The following ANKRD36C variants were observed in gnomAD, a reference collection of about 807,000 sequenced individuals.
The protein encoded by ANKRD36C is ankyrin repeat domain 36C.
Under a neutral mutation model 276.4 loss-of-function variants are expected in ANKRD36C, and 61 were observed. The observed-to-expected ratio is 0.22, with a 90% confidence interval of 0.18 to 0.27. The LOEUF is 0.27. Among genes scored for constraint, ANKRD36C ranks in the 10% least tolerant of loss-of-function variants. The probability of loss-of-function intolerance (pLI) is 1.00; values close to 1 mark genes in which losing one functional copy is unlikely to be tolerated. For synonymous variants in ANKRD36C, 483 were observed against 680.1 expected (o/e 0.71, Z 4.51); for missense variants, 1,447 against 2,032.3 (o/e 0.71, Z 5.54).
intron 60 of ANKRD36C, among the ~76,000 whole-genome samples, chr2:95,863,955 A>G (rs1356914806): frequency 6.6e-6 from 1 of 152,078 alleles, no homozygotes; most frequent in East Asian, 1.9e-4. Flanking sequence ...AGTGAACCCC[A>G]ATGCAAATTA....
intron 17 of ANKRD36C, among the ~76,000 whole-genome samples, chr2:95,948,107 A>G (rs1274053753): frequency 4.6e-5 from 7 of 152,200 alleles, no homozygotes; most frequent in Non-Finnish European, 1.0e-4. Flanking sequence ...GGGTGATTCC[A>G]TGATTCCCAT....
At chr2:95,891,806 C>T (rs1676371032) in intron 45 of ANKRD36C, 26 bp downstream of exon 65, 3 of 1,559,146 alleles carry the variant, frequency 1.9e-6, no homozygotes, top group South Asian at 2.4e-5. Context: ...TTTACTAGTT[C>T]ACAATATAAA....
intron 3 of ANKRD36C, among the ~76,000 whole-genome samples, chr2:95,985,062 A>G (rs1679001975): frequency 6.6e-6 from 1 of 152,204 alleles, no homozygotes; most frequent in Non-Finnish European, 1.5e-5. Flanking sequence ...ATAATGATGT[A>G]TTGACCTAAT....
chr2:95,931,127 C>A (rs1573776862), intron 24 of ANKRD36C, among the ~76,000 whole-genome samples: 1 of 151,816 alleles, frequency 6.6e-6, no homozygotes, highest in South Asian at 2.1e-4. Flanking sequence ...ATTTTCACCA[C>A]CACTGTATTG....
At chr2:95,862,965 G>A (rs935162918) in intron 60 of ANKRD36C, among the ~76,000 whole-genome samples, 4 of 151,536 alleles carry the variant, frequency 2.6e-5, no homozygotes, top group African/African-American at 7.3e-5. Flanking sequence ...CCACAACTGC[G>A]AGAAATCAAC....
Position 95,893,433 on chromosome 2 carries a change from G to C in ANKRD36C, c.2756-1573C>G, listed in dbSNP as rs990503393. The C allele has an allele frequency of 2.7e-6, 4 of 1,475,292 alleles. No individual in the cohort carries two copies. In the African/African-American group the frequency reaches 5.7e-5, roughly 21 times the overall value. The allele number at this position is 1,475,292 out of a possible 1,614,324, so 91.4% of individuals were successfully genotyped here. A position where few individuals can be genotyped will look rare whatever the true frequency, so the allele number is the denominator to read the frequency against. On this transcript the variant is annotated intron_variant, in intron 44 of 66. Coordinates refer to ENST00000456556, the Ensembl canonical transcript of ANKRD36C. ...GAAGAATCTCCGGCCTGCTGAATCA[G>C]AAAGTGCAGCTTCGACGAGCCCCCC...
At chr2:95,880,087 AGAGAATT>A (rs1485294514) in intron 58 of ANKRD36C, among the ~76,000 whole-genome samples, 1 of 141,486 alleles carries the variant, frequency 7.1e-6, no homozygotes, top group Non-Finnish European at 1.5e-5. Flanking sequence ...GGCTGAGGCA[AGAGAATT>A]GCTTGAACCA....
intron 58 of ANKRD36C, among the ~76,000 whole-genome samples, chr2:95,879,532 T>C (rs1440709545): frequency 2.0e-5 from 3 of 151,912 alleles, no homozygotes; most frequent in African/African-American, 7.2e-5. Flanking sequence ...ACACATTGTA[T>C]GCCTGTATCA....
chr2:95,916,189 C>T lies in ANKRD36C; in HGVS notation c.2348-18G>A, dbSNP rs1472327355. 3.7e-6 allele frequency: 6 copies of T among 1,603,334 alleles called. No individual in the cohort carries two copies. The highest frequency in any genetic ancestry group is 2.2e-5 in the South Asian group (2 of 90,880). ...AGAAGACACTGAAAAGCAAAAGGGA[C>T]ACGTAATCACTCACTCGTAAATATG... On this transcript the variant is annotated intron_variant, in intron 36 of 66. Coordinates refer to ENST00000456556, the Ensembl canonical transcript of ANKRD36C.
At chr2:95,882,969 GACAC>G (rs1452730523) in intron 54 of ANKRD36C, among the ~76,000 whole-genome samples, 1 of 152,126 alleles carries the variant, frequency 6.6e-6, no homozygotes, top group African/African-American at 2.4e-5. Flanking sequence ...CAATGACAAT[GACAC>G]TTTAGTAGAA....
chr2:95,983,279 C>G (rs1329337943), intron 3 of ANKRD36C, among the ~76,000 whole-genome samples: 2 of 151,674 alleles, frequency 1.3e-5, no homozygotes, highest in African/African-American at 4.8e-5. Context: ...TTAAATAGTC[C>G]ATGGGTTTTC....
chr2:95,930,844 A>C (rs550222865), intron 24 of ANKRD36C, among the ~76,000 whole-genome samples: 1 of 151,652 alleles, frequency 6.6e-6, no homozygotes, highest in South Asian at 2.1e-4. Context: ...AAAAACAAAA[A>C]TCTGATGTGA....
At chr2:95,933,136 G>T (rs549332336) in intron 24 of ANKRD36C, among the ~76,000 whole-genome samples, 2 of 152,364 alleles carry the variant, frequency 1.3e-5, no homozygotes, top group Admixed American at 1.3e-4. Context: ...CTGTTCCATT[G>T]TTCTATATCG....
chr2:95,982,126 T>C, intron 4 of ANKRD36C, 130 bp downstream of exon 4: 1 of 703,990 alleles, frequency 1.4e-6, no homozygotes, highest in South Asian at 2.1e-5. Flanking sequence ...TGTGTTGATA[T>C]TTCTCACTAT....
chr2:95,947,379 A>T (rs1022945315), intron 17 of ANKRD36C, among the ~76,000 whole-genome samples: 4 of 151,704 alleles, frequency 2.6e-5, no homozygotes, highest in East Asian at 1.9e-4. Context: ...CATTCCATTT[A>T]AAAAAAGCCC....
chr2:95,912,186 G>T, intron 42 of ANKRD36C, 58 bp downstream of exon 44: 1 of 1,537,138 alleles, frequency 6.5e-7, no homozygotes, highest in Non-Finnish European at 8.8e-7. Context: ...GATTTATTCG[G>T]GGAAGAGAAC....
At chr2:95,850,760 G>T (rs192409537), downstream of ANKRD36C, among the ~76,000 whole-genome samples, 5 of 152,346 alleles carry the variant, frequency 3.3e-5, no homozygotes, top group Admixed American at 2.6e-4. Context: ...CTTGTGACCT[G>T]TAATTGCTTA....
chr2:95,968,528 T>C (rs372504952), intron 6 of ANKRD36C, among the ~76,000 whole-genome samples: 2,044 of 152,318 alleles, frequency 0.013, 125 homozygotes, highest in Admixed American at 0.11. Flanking sequence ...CTGCTGTATG[T>C]GTAGAAAACA....
intron 59 of ANKRD36C, among the ~76,000 whole-genome samples, chr2:95,871,517 C>G (rs148470351): frequency 0.045 from 6,781 of 151,950 alleles, 492 homozygotes; most frequent in African/African-American, 0.15. Context: ...CTGAAGGAAG[C>G]ACTAAACGTG....
Sources: allele counts gnomAD v4.1 joint callset (sites outside exome capture counted in the v4.1 genomes callset), GRCh38; gene constraint gnomAD v4.1.1; transcripts MANE v1.5; gene names NCBI Gene and HGNC (gene_info 2026-07-23, HGNC 2026-07-21).